Variants in SLC30A6 observed in about 807,000 individuals in gnomAD.
SLC30A6 encodes solute carrier family 30 member 6, also known as zinc transporter 6.
A neutral mutation model predicts 63.0 loss-of-function variants in SLC30A6; 55 were observed. The observed-to-expected ratio is 0.87, with a 90% CI of 0.70 to 1.09. The LOEUF (loss-of-function observed/expected upper bound fraction) is 1.09. Ranked by LOEUF, SLC30A6 falls within the 50% of genes least tolerant of loss-of-function variation. The pLI is 0.00. For synonymous variants in SLC30A6, 224 were observed against 186.1 expected, an observed-to-expected ratio of 1.20 and a Z score of -1.66; for missense variants, 587 against 549.2, an observed-to-expected ratio of 1.07 and a Z score of -0.69.
chr2:32,203,521 C>T, intron 10 of SLC30A6: 1 of 1,606,252 alleles, frequency 6.2e-7, no homozygotes, highest in South Asian at 1.1e-5. Flanking sequence ...GTGCATCAGG[C>T]TTTGAACCAC....
rs763503971 is a variant in SLC30A6, at chr2:32,202,611, G to A, written c.666-1979G>A. 3.0e-5 allele frequency: 14 copies of A among 471,686 alleles called. 1 individual carries two copies. The highest frequency in any genetic ancestry group is 4.8e-5 in the Non-Finnish European group (12 of 248,324). The allele number at this position is 471,686 out of a possible 1,614,324, so 29.2% of individuals were successfully genotyped here. On this transcript the variant is annotated intron_variant, in intron 10 of 13. Coordinates refer to ENST00000282587, the MANE Select transcript of SLC30A6 (RefSeq NM_017964.5). ...CTCCCAAAGTGCTGGGATTGCAGGC[G>A]TGAACCACTGTGCCCAGCTCTGATT...
chr2:32,200,834 G>GAAAA (rs59434197), intron 10 of SLC30A6, among the ~76,000 whole-genome samples: 10 of 149,238 alleles, frequency 6.7e-5, no homozygotes, highest in Non-Finnish European at 1.0e-4. Context: ...GATCAATAAA[G>GAAAA]AAAAAAATAA....
intron 4 of SLC30A6, among the ~76,000 whole-genome samples, chr2:32,183,663 G>A (rs1352214924): frequency 2.0e-5 from 3 of 150,190 alleles, no homozygotes; most frequent in African/African-American, 2.5e-5. Context: ...ACTCCAGCCT[G>A]GGCAACAGAG....
rs999217032 is a variant in SLC30A6 at position 32,222,285 on chromosome 2, C to T, written c.*1572C>T. 2 of 152,052 alleles carry T rather than the reference C, an allele frequency of 1.3e-5. No individual in the cohort carries two copies. Among genetic ancestry groups the T allele is most frequent in the African/African-American group, 4.8e-5 (2 of 41,408 alleles). The allele number at this position is 152,052 out of a possible 1,614,324, so 9.4% of individuals were successfully genotyped here. ...TATTGTTTTATTTTATTATGCATTC[C>T]ATAACAGTTTTAAAATGGGATTTTG... On this transcript the variant is annotated 3_prime_UTR_variant, in exon 14 of 14. Coordinates refer to ENST00000282587, the MANE Select transcript of SLC30A6 (RefSeq NM_017964.5).
At chr2:32,168,015 G>T (rs1414907406) in intron 1 of SLC30A6, among the ~76,000 whole-genome samples, 1 of 152,086 alleles carries the variant, frequency 6.6e-6, no homozygotes, top group East Asian at 1.9e-4. Flanking sequence ...AGCGTGCCTG[G>T]CCCAGAGGAA....
intron 2 of SLC30A6, among the ~76,000 whole-genome samples, chr2:32,171,877 A>G (rs146077761): frequency 0.013 from 2,036 of 152,162 alleles, 53 homozygotes; most frequent in African/African-American, 0.045. Context: ...TATTTTTAGT[A>G]GAGATGGGGT....
rs990589937 is a variant in SLC30A6, at chr2:32,192,548, C to T, written c.365+132C>T. On this transcript the variant is annotated intron_variant, in intron 6 of 13. Coordinates refer to ENST00000282587, the MANE Select transcript of SLC30A6 (RefSeq NM_017964.5). ...GCAGGGCTGGAGTTTTGATAGTACA[C>T]TTTCTTTATGTTTCAGACTTTTTCT... is the stretch of plus-strand genomic sequence containing the variant. The T allele has an allele frequency of 1.0e-5, 7 of 687,652 alleles. No homozygotes were observed. In the East Asian group the frequency reaches 1.9e-4, roughly 19 times the overall value. 42.6% of individuals were successfully genotyped at this position (687,652 alleles called of 1,614,324 possible). A position where few individuals can be genotyped will look rare whatever the true frequency, so the allele number is the denominator to read the frequency against.
intron 12 of SLC30A6, among the ~76,000 whole-genome samples, chr2:32,208,429 C>G (rs540094209): frequency 6.6e-6 from 1 of 151,346 alleles, no homozygotes; most frequent in South Asian, 2.1e-4. Context: ...CTGTGCCCAG[C>G]CTTTTGTTGT....
At chr2:32,209,651 A>G (rs1276528386) in intron 13 of SLC30A6, 90 bp downstream of exon 13, 6 of 1,053,852 alleles carry the variant, frequency 5.7e-6, no homozygotes, top group African/African-American at 1.6e-5. Flanking sequence ...TAAAATTTTT[A>G]TAGAGCCTTT....
rs556725093 is a variant in SLC30A6 at position 32,220,641 on chromosome 2, A to G, written c.1314A>G (p.Gly438=). 37 of 1,614,184 alleles carry G rather than the reference A, an allele frequency of 2.3e-5. 1 individual carries two copies. In the African/African-American group the frequency reaches 4.4e-4, roughly 19 times the overall value. Residue 438 remains glycine (G), a synonymous_variant, in exon 14 of 14, where the codon GGA becomes GGG. Coordinates refer to ENST00000282587, the MANE Select transcript of SLC30A6 (RefSeq NM_017964.5). ...TTCCAGGAATTGGAGCAACTCAAGG[A>G]TTGAGGACTGGTTTTACAAATATAC... The part of the protein sequence containing the change: ...LGVPGIGATQ[G]LRTGFTNIPS...
At chr2:32,203,613 G>C in intron 10 of SLC30A6, 1 of 1,589,798 alleles carries the variant, frequency 6.3e-7, no homozygotes, top group Non-Finnish European at 8.6e-7. Context: ...GCTGTGCTTG[G>C]AAAGAACTTA....
chr2:32,220,143 GT>G, intron 13 of SLC30A6, 69 bp from the exon 14 acceptor site: 1 of 1,485,246 alleles, frequency 6.7e-7, no homozygotes, highest in South Asian at 1.4e-5. Flanking sequence ...TAAATAAAAT[GT>G]TTTATCTAAT....
chr2:32,220,503 T>A lies in SLC30A6; in HGVS notation c.1176T>A (p.Pro392=). Residue 392 remains proline, a synonymous_variant, in exon 14 of 14, where the codon CCT becomes CCA. Coordinates refer to ENST00000282587, the MANE Select transcript of SLC30A6 (RefSeq NM_017964.5). ...SPPPEFSFNT[P]GKNVNPVILL... ...CTCCAGAATTTTCATTTAACACTCC[T>A]GGGAAAAATGTGAACCCAGTTATTC... is the stretch of plus-strand genomic sequence containing the variant. The A allele has an allele frequency of 6.2e-7, 1 of 1,614,212 alleles. No individual in the cohort carries two copies. Among genetic ancestry groups the A allele is most frequent in the Middle Eastern group, 1.6e-4 (1 of 6,062 alleles).
intron 4 of SLC30A6, among the ~76,000 whole-genome samples, chr2:32,175,946 C>T (rs916905744): frequency 1.3e-5 from 2 of 152,116 alleles, no homozygotes; most frequent in African/African-American, 2.4e-5. Flanking sequence ...ACACTCCAGC[C>T]TGGGCAACGA....
At chr2:32,178,340 A>G (rs1681975639) in intron 4 of SLC30A6, among the ~76,000 whole-genome samples, 1 of 151,982 alleles carries the variant, frequency 6.6e-6, no homozygotes, top group Non-Finnish European at 1.5e-5. Context: ...TGTTGAAAAG[A>G]CTACTTTCCC....
rs1251404239 is a variant in SLC30A6 at position 32,221,054 on chromosome 2, C to A, written c.*341C>A. 2 of 217,728 alleles carry A rather than the reference C, an allele frequency of 9.2e-6. No homozygotes were observed. The highest frequency in any genetic ancestry group is 5.2e-5 in the Admixed American group (1 of 19,280). The allele number at this position is 217,728 out of a possible 1,614,324, so 13.5% of individuals were successfully genotyped here. A position where few individuals can be genotyped will look rare whatever the true frequency, so the allele number is the denominator to read the frequency against. ...GTAGATCTGTCACATTACTAAGATA[C>A]GATATTTCTTTTTTTTTCCGAGACG... On this transcript the variant is annotated 3_prime_UTR_variant, in exon 14 of 14. Transcript: ENST00000282587.
At chr2:32,200,843 AATAAT>A in intron 10 of SLC30A6, among the ~76,000 whole-genome samples, 1 of 148,748 alleles carries the variant, frequency 6.7e-6, no homozygotes, top group East Asian at 1.9e-4. Flanking sequence ...AGAAAAAAAT[AATAAT>A]AATAATAATA....
chr2:32,217,282 A>G (rs934499307), intron 13 of SLC30A6, among the ~76,000 whole-genome samples: 5 of 152,196 alleles, frequency 3.3e-5, no homozygotes, highest in Non-Finnish European at 5.9e-5. Context: ...ATTCTTCTGC[A>G]TATGGCTAGC....
chr2:32,212,127 A>T (rs941200589), intron 13 of SLC30A6, among the ~76,000 whole-genome samples: 32 of 150,238 alleles, frequency 2.1e-4, no homozygotes, highest in Non-Finnish European at 3.3e-4. Flanking sequence ...ATTTTTTTTA[A>T]CCTTTTGTGT....
Sources: gnomAD v4.1 joint callset for allele counts (sites outside exome capture counted in the v4.1 genomes callset) on GRCh38, gnomAD v4.1.1 for gene constraint, MANE v1.5 for transcripts, NCBI Gene and HGNC (gene_info 2026-07-23, HGNC 2026-07-21) for gene names.